ABCA6: variants seen among roughly 807,000 people sequenced by gnomAD.
ABCA6 encodes ATP-binding cassette sub-family A member 6.
ABCA6 carries 164 observed loss-of-function variants against 191.2 expected under a neutral mutation model. The ratio of observed to expected loss-of-function variants is 0.86; its 90% CI spans 0.76 to 0.98. The LOEUF (loss-of-function observed/expected upper bound fraction) is 0.98, where lower values mean the gene tolerates loss of function less well. Ranked by LOEUF, ABCA6 falls within the 50% of genes least tolerant of loss-of-function variation. The pLI, the probability that ABCA6 is intolerant of heterozygous loss-of-function variation, is 0.00. For missense variants in ABCA6, 1,958 were observed against 1,894.1 expected, an observed-to-expected ratio of 1.03 and a Z score of -0.63; for synonymous variants, 636 against 647.7, an observed-to-expected ratio of 0.98 and a Z score of 0.27.
intron 21 of ABCA6, among the ~76,000 whole-genome samples, chr17:69,101,744 A>G (rs1479877416): frequency 2.0e-5 from 3 of 152,132 alleles, no homozygotes. Context: ...TATGTACTTC[A>G]TGTTTAGGAA....
At chr17:69,109,662 A>G (rs1468998708) in intron 17 of ABCA6, 12 of 152,162 alleles carry the variant, frequency 7.9e-5, no homozygotes, top group Admixed American at 7.9e-4. Context: ...CAGTGTGATG[A>G]AATCCTTCGC....
Position 69,125,011 on chromosome 17 carries a change from T to C in ABCA6, c.1144A>G (p.Asn382Asp). The change falls in exon 9 of 39, where the codon AAT (asparagine) becomes GAT (aspartate). Residue 382 changes from asparagine to aspartate, a missense_variant. Asn to Asp is a conservative substitution (Grantham distance 23). Transcript: ENST00000284425. ...GAAGGGTCAGGAAAAATTACACCAT[T>C]CAAGTTATAATCCAGTTTGATAATC... ...IQIIKLDYNL[N>D]GVIFPDPSGD... is the part of the protein sequence containing the mutation. 6.9e-7 allele frequency: 1 copy of C among 1,442,364 alleles called. No homozygotes were observed. Among genetic ancestry groups the C allele is most frequent in the South Asian group, 1.6e-5 (1 of 61,720 alleles). The allele number at this position is 1,442,364 out of a possible 1,614,324, so 89.3% of individuals were successfully genotyped here.
chr17:69,091,525 T>TGACGTGTATTATTAAA (rs1234738560), intron 25 of ABCA6, among the ~76,000 whole-genome samples: 3 of 74,354 alleles, frequency 4.0e-5, no homozygotes, highest in South Asian at 7.8e-4. Flanking sequence ...ATAGACTTCT[T>TGACGTGTATTATTAAA]TTTTTTTTTT....
intron 16 of ABCA6, 94 bp from the exon 17 acceptor site, chr17:69,111,034 C>A (rs962780308): frequency 1.7e-6 from 2 of 1,202,360 alleles, no homozygotes; most frequent in Admixed American, 2.7e-5. Flanking sequence ...TTGAGCACAA[C>A]TTTACTTGGC....
At chr17:69,128,572 T>A in intron 8 of ABCA6, 47 bp downstream of exon 8, 1 of 1,481,768 alleles carries the variant, frequency 6.7e-7, no homozygotes. Flanking sequence ...ATGAAGTATC[T>A]ACTTCTTTTG....
At chr17:69,128,845 T>G in intron 7 of ABCA6, 41 bp from the exon 8 acceptor site, 1 of 1,480,796 alleles carries the variant, frequency 6.8e-7, no homozygotes, top group Non-Finnish European at 9.1e-7. Context: ...TAAAAAATAT[T>G]TAGCTCACTG....
At chr17:69,101,684 T>C (rs2073185255) in intron 21 of ABCA6, among the ~76,000 whole-genome samples, 2 of 152,014 alleles carry the variant, frequency 1.3e-5, no homozygotes, top group Admixed American at 1.3e-4. Flanking sequence ...ATATTCATCC[T>C]TACCCTGCCA....
At chr17:69,134,121 T>A (rs542659779) in intron 5 of ABCA6, among the ~76,000 whole-genome samples, 1 of 152,186 alleles carries the variant, frequency 6.6e-6, no homozygotes, top group Non-Finnish European at 1.5e-5. Context: ...GTTTTAAAGT[T>A]TTAAAATAGA....
intron 10 of ABCA6, among the ~76,000 whole-genome samples, chr17:69,121,510 C>T (rs572616966): frequency 2.2e-4 from 34 of 152,056 alleles, no homozygotes; most frequent in African/African-American, 8.0e-4. Context: ...CCTCAGGTCT[C>T]CACCTGAGCT....
chr17:69,115,350 C>T, intron 12 of ABCA6, 26 bp downstream of exon 12: 1 of 1,554,532 alleles, frequency 6.4e-7, no homozygotes, highest in Non-Finnish European at 8.8e-7. Context: ...AGACATCTTG[C>T]CTTTGAGAAA....
At chr17:69,109,523 A>G (rs1279104797) in intron 17 of ABCA6, 1 of 152,208 alleles carries the variant, frequency 6.6e-6, no homozygotes, top group African/African-American at 2.4e-5. Context: ...ATTAAAATAG[A>G]GTAATCCTGC....
intron 2 of ABCA6, among the ~76,000 whole-genome samples, chr17:69,137,949 A>T (rs1464520130): frequency 1.3e-5 from 2 of 152,318 alleles, no homozygotes; most frequent in East Asian, 3.9e-4. Context: ...ATTGCTGTTC[A>T]CCAATGTCAA....
In ABCA6 at chr17:69,096,332, C is replaced by T; in HGVS notation, c.3316G>A (p.Ala1106Thr). The part of the protein sequence containing the change: ...FALVIVTPGY[A>T]ASLVFFIYMI... The stretch of plus-strand genomic sequence containing the variant: ...TATATGAAGAAGACAAGAGAAGCTG[C>T]ATAACCAGGAGTAACTATAACCTGA... Residue 1106 changes from alanine to threonine, a missense_variant, in exon 25 of 39, where the codon GCA becomes ACA. Transcript: ENST00000284425. The T allele has an allele frequency of 6.7e-7, 1 of 1,497,858 alleles. No individual in the cohort carries two copies. The highest frequency in any genetic ancestry group is 8.9e-7 in the Non-Finnish European group (1 of 1,118,672). 92.8% of individuals were successfully genotyped at this position (1,497,858 alleles called of 1,614,324 possible).
At position 69,088,158 on chromosome 17, in the gene ABCA6, C is replaced by T. The variant is rs749023923; in HGVS notation, c.3698+9G>A. On this transcript the variant is annotated intron_variant, in intron 28 of 38. Coordinates refer to ENST00000284425, the MANE Select transcript of ABCA6 (RefSeq NM_080284.3). The stretch of plus-strand genomic sequence containing the variant: ...TGATATTAAGTATAAAGTTAAATTT[C>T]ACCCCAACCTGAAAACAGGATCTTT... 1.2e-6 allele frequency: 2 copies of T among 1,604,546 alleles called. No homozygotes were observed. The highest frequency in any genetic ancestry group is 3.4e-5 in the Admixed American group (2 of 59,264).
At chr17:69,105,405 G>T in intron 20 of ABCA6, 57 bp downstream of exon 20, 1 of 1,466,622 alleles carries the variant, frequency 6.8e-7, no homozygotes, top group Admixed American at 2.2e-5. Flanking sequence ...CACCTCCTGT[G>T]CTATTCAACA....
At chr17:69,080,136 A>G (rs953074714) in intron 37 of ABCA6, among the ~76,000 whole-genome samples, 2 of 152,208 alleles carry the variant, frequency 1.3e-5, no homozygotes, top group African/African-American at 2.4e-5. Context: ...AAAGTCATCT[A>G]TCTAGCATGG....
intron 30 of ABCA6, among the ~76,000 whole-genome samples, 160 bp downstream of exon 30, chr17:69,086,458 A>G (rs1051514221): frequency 2.8e-5 from 4 of 144,828 alleles, no homozygotes; most frequent in African/African-American, 1.0e-4. Flanking sequence ...TTGTATTTCC[A>G]GAGTCTAAAA....
chr17:69,141,615 G>A (rs1598074057), intron 1 of ABCA6, 130 bp downstream of exon 1: 2 of 151,988 alleles, frequency 1.3e-5, no homozygotes, highest in Admixed American at 1.3e-4. Context: ...TTGGGAAAAA[G>A]CAGAAAAATT....
intron 30 of ABCA6, among the ~76,000 whole-genome samples, chr17:69,086,302 G>T (rs532492356): frequency 5.3e-5 from 8 of 151,954 alleles, no homozygotes; most frequent in Non-Finnish European, 1.0e-4. Flanking sequence ...CTAATCTGGC[G>T]CTGCTCAGCT....
Sources: allele counts gnomAD v4.1 joint callset (sites outside exome capture counted in the v4.1 genomes callset), GRCh38; gene constraint gnomAD v4.1.1; transcripts MANE v1.5; gene names NCBI Gene and HGNC (gene_info 2026-07-23, HGNC 2026-07-21).